Variants in MDM4 observed in about 807,000 individuals in gnomAD.
MDM4 encodes the protein protein Mdm4.
Under a neutral mutation model 60.2 loss-of-function variants are expected in MDM4, and 2 were observed. The ratio of observed to expected loss-of-function variants is 0.03; its 90% CI spans 0.01 to 0.10. MDM4 has a LOEUF of 0.10. Ranked by LOEUF, MDM4 falls within the 10% of genes least tolerant of loss-of-function variation. The pLI is 1.00. For synonymous variants in MDM4, 202 were observed against 198.1 expected (o/e 1.02, Z -0.17); for missense variants, 447 against 577.5 (o/e 0.77, Z 2.32).
Position 204,553,146 on chromosome 1 carries a change from T to C in MDM4, c.*3464T>C. 5.6e-6 allele frequency: 1 copy of C among 179,060 alleles called. No individual in the cohort carries two copies. Among genetic ancestry groups the C allele is most frequent in the East Asian group, 9.3e-5 (1 of 10,718 alleles). The allele number at this position is 179,060 out of a possible 1,614,324, so 11.1% of individuals were successfully genotyped here. A position where few individuals can be genotyped will look rare whatever the true frequency, so the allele number is the denominator to read the frequency against. On this transcript the variant is annotated 3_prime_UTR_variant, in exon 11 of 11. Coordinates refer to ENST00000367182, the MANE Select transcript of MDM4 (RefSeq NM_002393.5). ...CCTCAGCCTCGCAAAGTGCTGAGATTACAGGCATGAGCCACAGCGCCCAGC... is the reference window on the plus strand; with the variant it reads ...CCTCAGCCTCGCAAAGTGCTGAGATCACAGGCATGAGCCACAGCGCCCAGC...
At chr1:204,529,357 G>A in intron 3 of MDM4, 1 of 855,324 alleles carries the variant, frequency 1.2e-6, no homozygotes, top group Non-Finnish European at 2.0e-6. Context: ...TCCATATTGG[G>A]AGGGGAGCCA....
At chr1:204,535,355 C>T (rs1189593373) in intron 5 of MDM4, among the ~76,000 whole-genome samples, 2 of 151,546 alleles carry the variant, frequency 1.3e-5, no homozygotes, top group African/African-American at 4.8e-5. Context: ...GACGGGGTTT[C>T]ACCGTGTTAG....
In MDM4 at chr1:204,537,805, C is replaced by G. The variant is rs912517258; in HGVS notation, c.411+308C>G. 1.6e-5 allele frequency: 10 copies of G among 615,810 alleles called. No individual in the cohort carries two copies. The African/African-American group carries it at 1.6e-4, about 10-fold the overall frequency. The allele number at this position is 615,810 out of a possible 1,614,324, so 38.1% of individuals were successfully genotyped here. A position where few individuals can be genotyped will look rare whatever the true frequency, so the allele number is the denominator to read the frequency against. On this transcript the variant is annotated intron_variant, in intron 6 of 10. Transcript: ENST00000367182. ...TATTGCTTTATTAGATTTTAATAGG[C>G]GTGTTGCAGTTAAGTTCATGTCAGG...
chr1:204,522,217 A>G (rs1333641747), intron 1 of MDM4, among the ~76,000 whole-genome samples: 1 of 151,870 alleles, frequency 6.6e-6, no homozygotes, highest in Non-Finnish European at 1.5e-5. Flanking sequence ...AGTCCCAACT[A>G]CTTGGGAGGC....
chr1:204,546,576 A>G (rs1247664672), intron 9 of MDM4, among the ~76,000 whole-genome samples: 2 of 152,110 alleles, frequency 1.3e-5, no homozygotes, highest in Admixed American at 6.6e-5. Context: ...TTTATTTGGT[A>G]ACTCTTCTGG....
At chr1:204,536,694 C>T (rs879862693) in intron 5 of MDM4, among the ~76,000 whole-genome samples, 1 of 152,124 alleles carries the variant, frequency 6.6e-6, no homozygotes, top group African/African-American at 2.4e-5. Flanking sequence ...TTTGTAAGTC[C>T]TTGGAATGCA....
chr1:204,539,474 A>G (rs1661793622), intron 7 of MDM4, among the ~76,000 whole-genome samples: 1 of 152,150 alleles, frequency 6.6e-6, no homozygotes, highest in Non-Finnish European at 1.5e-5. Flanking sequence ...GACCCTTTCA[A>G]AGGATCTTAG....
rs369647262 is a variant in MDM4 at position 204,540,270 on chromosome 1, G to A, written c.511+1962G>A. Among the ~76,000 whole-genome samples the A allele has an allele frequency of 2.1e-3, 303 of 143,520 alleles. 1 individual carries two copies. The highest frequency in any genetic ancestry group is 7.1e-3 in the African/African-American group (284 of 40,250). The allele number at this position is 143,520 out of a possible 152,430, so 94.2% of individuals were successfully genotyped here. Reference sequence around the variant, plus strand: ...ACTGCACTCCAGCCTGGGCGACAGAGCGAGACTCTGTCTCAAAAAAAAAAC... The same window carrying A: ...ACTGCACTCCAGCCTGGGCGACAGAACGAGACTCTGTCTCAAAAAAAAAAC... On this transcript the variant is annotated intron_variant, in intron 7 of 10. Transcript: ENST00000367182.
intron 5 of MDM4, among the ~76,000 whole-genome samples, chr1:204,536,146 G>A (rs1249029002): frequency 2.6e-5 from 4 of 152,122 alleles, no homozygotes; most frequent in Non-Finnish European, 4.4e-5. Flanking sequence ...TAGCTACTTG[G>A]GAGGCTGAGG....
rs1412317211 is a variant in MDM4, at chr1:204,551,113, G to C, written c.*1431G>C. 1 of 189,868 alleles carries C rather than the reference G, an allele frequency of 5.3e-6. No individual in the cohort carries two copies. The highest frequency in any genetic ancestry group is 8.4e-5 in the East Asian group (1 of 11,860). The allele number at this position is 189,868 out of a possible 1,614,324, so 11.8% of individuals were successfully genotyped here. On this transcript the variant is annotated 3_prime_UTR_variant, in exon 11 of 11. Coordinates refer to ENST00000367182, the MANE Select transcript of MDM4 (RefSeq NM_002393.5). ...GCTGGAGTGCACTGGCACAATCACA[G>C]TTCACTGCAGCCTCGACCTCCCAGA...
intron 9 of MDM4, among the ~76,000 whole-genome samples, chr1:204,545,388 C>T (rs1662560562): frequency 6.6e-6 from 1 of 152,110 alleles, no homozygotes; most frequent in African/African-American, 2.4e-5. Context: ...GGTATGTACT[C>T]ATGTACAGAT....
At chr1:204,547,798 ACTGCAACTT>A (rs1662812967) in intron 10 of MDM4, among the ~76,000 whole-genome samples, 1 of 152,232 alleles carries the variant, frequency 6.6e-6, no homozygotes, top group Admixed American at 6.5e-5. Flanking sequence ...ATCTCGGCTC[ACTGCAACTT>A]CCGCCTCCCG....
rs183349039 is a variant in MDM4 at position 204,554,696 on chromosome 1, T to G, written c.*5014T>G. The G allele has an allele frequency of 4.4e-6, 1 of 227,816 alleles. No individual in the cohort carries two copies. The highest frequency in any genetic ancestry group is 2.2e-5 in the African/African-American group (1 of 45,084). 14.1% of individuals were successfully genotyped at this position (227,816 alleles called of 1,614,324 possible). A position where few individuals can be genotyped will look rare whatever the true frequency, so the allele number is the denominator to read the frequency against. ...AATCAGTATCTGAGATAGTGGCTAA[T>G]GTGGCTCCCCAGGCCTAATTTGGGA... On this transcript the variant is annotated 3_prime_UTR_variant, in exon 11 of 11. Coordinates refer to ENST00000367182, the MANE Select transcript of MDM4 (RefSeq NM_002393.5).
At chr1:204,526,527 G>C (rs1165435787) in intron 3 of MDM4, 93 bp downstream of exon 3, 1 of 872,570 alleles carries the variant, frequency 1.1e-6, no homozygotes, top group Non-Finnish European at 1.8e-6. Flanking sequence ...GCAGTGGTGC[G>C]ATCTCAGATC....
rs1258678065 is a variant in MDM4 at position 204,528,716 on chromosome 1, G to T, written c.154-1968G>T. On this transcript the variant is annotated intron_variant, in intron 3 of 10. Transcript: ENST00000367182. ...ACTCTCAACCCTCTTTTGGAACAGT[G>T]TTGCATCAAGCAAGGGAGAATGTTC... 1.2e-5 allele frequency: 8 copies of T among 652,776 alleles called. No homozygotes were observed. The East Asian group carries it at 2.0e-4, about 16-fold the overall frequency. The allele number at this position is 652,776 out of a possible 1,614,324, so 40.4% of individuals were successfully genotyped here.
chr1:204,519,314 C>G (rs966647058), intron 1 of MDM4, among the ~76,000 whole-genome samples: 1 of 151,978 alleles, frequency 6.6e-6, no homozygotes, highest in Non-Finnish European at 1.5e-5. Flanking sequence ...CCAGCCTGAC[C>G]AACAAAAAGA....
At position 204,554,889 on chromosome 1, in the gene MDM4, G is replaced by T. The variant is rs1663435233; in HGVS notation, c.*5207G>T. On this transcript the variant is annotated 3_prime_UTR_variant, in exon 11 of 11. Transcript: ENST00000367182. ...TTTGATGTGCACTAATGCCATTATT[G>T]GTAATGCCGTTATTGGTGAATACAG... 1.8e-5 allele frequency: 4 copies of T among 224,804 alleles called. No individual in the cohort carries two copies. Among genetic ancestry groups the T allele is most frequent in the Non-Finnish European group, 2.7e-5 (3 of 112,948 alleles). 13.9% of individuals were successfully genotyped at this position (224,804 alleles called of 1,614,324 possible).
chr1:204,526,205 G>A (rs1057173174), intron 2 of MDM4, among the ~76,000 whole-genome samples, 155 bp from the exon 3 acceptor site: 1 of 152,148 alleles, frequency 6.6e-6, no homozygotes, highest in Non-Finnish European at 1.5e-5. Flanking sequence ...GCAGTGACCT[G>A]TGATCACACC....
intron 3 of MDM4, among the ~76,000 whole-genome samples, chr1:204,526,845 ACTC>A (rs755562077): frequency 2.6e-5 from 4 of 151,902 alleles, no homozygotes; most frequent in Non-Finnish European, 5.9e-5. Context: ...AGGAAGTTCT[ACTC>A]CTGAGGTATC....
Sources: allele counts gnomAD v4.1 joint callset (sites outside exome capture counted in the v4.1 genomes callset), GRCh38; gene constraint gnomAD v4.1.1; transcripts MANE v1.5; gene names NCBI Gene and HGNC (gene_info 2026-07-23, HGNC 2026-07-21).